TRIP12: variants seen among roughly 807,000 people sequenced by gnomAD.
TRIP12 encodes the protein thyroid hormone receptor interactor 12.
Under a neutral mutation model 244.2 loss-of-function variants are expected in TRIP12, and 25 were observed. That is an observed-to-expected ratio of 0.10 (90% CI 0.07 to 0.14). TRIP12 has a LOEUF of 0.14. Ranked by LOEUF, TRIP12 falls within the 10% of genes least tolerant of loss-of-function variation. TRIP12 has a pLI of 1.00. For synonymous variants in TRIP12, 905 were observed against 873.1 expected (o/e 1.04, Z -0.64); for missense variants, 1,677 against 2,486.4 (o/e 0.67, Z 6.92).
At chr2:229,828,773 A>AT (rs1002919560) in intron 8 of TRIP12, among the ~76,000 whole-genome samples, 2,321 of 151,794 alleles carry the variant, frequency 0.015, 59 homozygotes, top group African/African-American at 0.051. Flanking sequence ...TCTCAAAAAA[A>AT]ATATATATAT....
intron 1 of TRIP12, among the ~76,000 whole-genome samples, chr2:229,894,664 G>A (rs1010194305): frequency 6.6e-6 from 1 of 152,162 alleles, no homozygotes; most frequent in African/African-American, 2.4e-5. Flanking sequence ...TACATGTGTG[G>A]CCAAGATTTG....
chr2:229,827,561 T>C (rs1243831855), intron 8 of TRIP12, among the ~76,000 whole-genome samples: 2 of 152,136 alleles, frequency 1.3e-5, no homozygotes, highest in African/African-American at 4.8e-5. Flanking sequence ...ATGAAGATCA[T>C]CGGTATCATT....
At chr2:229,802,061 G>A (rs544935276) in intron 21 of TRIP12, among the ~76,000 whole-genome samples, 191 bp downstream of exon 21, 1 of 152,156 alleles carries the variant, frequency 6.6e-6, no homozygotes, top group South Asian at 2.1e-4. Flanking sequence ...ATCTCTTACA[G>A]TTCCTAAACA....
intron 32 of TRIP12, 127 bp downstream of exon 32, chr2:229,788,671 A>ACT: frequency 7.1e-6 from 9 of 1,276,198 alleles, no homozygotes; most frequent in Non-Finnish European, 9.8e-6. Context: ...CAATTAAGCA[A>ACT]GTTGTGATCA....
chr2:229,802,518 C>G, intron 20 of TRIP12, 59 bp from the exon 21 acceptor site: 1 of 1,291,046 alleles, frequency 7.7e-7, no homozygotes, highest in South Asian at 1.4e-5. Context: ...ACCTTCTCCC[C>G]ACCATTACAA....
At chr2:229,917,310 G>A (rs1207839732) in intron 1 of TRIP12, among the ~76,000 whole-genome samples, 1 of 139,992 alleles carries the variant, frequency 7.1e-6, no homozygotes, top group African/African-American at 2.6e-5. Flanking sequence ...GAACCCTGGA[G>A]GCGGAGCCTG....
intron 8 of TRIP12, among the ~76,000 whole-genome samples, chr2:229,825,850 T>C (rs1403036039): frequency 6.6e-6 from 1 of 152,204 alleles, no homozygotes; most frequent in Admixed American, 6.5e-5. Context: ...ACTAAGGTTA[T>C]GGCCAAAAGA....
At chr2:229,851,424 T>A (rs937629081) in intron 4 of TRIP12, among the ~76,000 whole-genome samples, 5 of 151,988 alleles carry the variant, frequency 3.3e-5, no homozygotes, top group African/African-American at 1.2e-4. Flanking sequence ...AGCTCAGGGA[T>A]TGTAAATGCA....
At chr2:229,907,507 AAAAACACTGTCT>A (rs1308559597) in intron 1 of TRIP12, among the ~76,000 whole-genome samples, 5 of 152,232 alleles carry the variant, frequency 3.3e-5, no homozygotes, top group African/African-American at 1.2e-4. Flanking sequence ...AAAGGAAAAT[AAAAACACTGTCT>A]CTCAAAAGGC....
chr2:229,838,555 C>T (rs532432829), intron 5 of TRIP12, among the ~76,000 whole-genome samples: 3 of 152,266 alleles, frequency 2.0e-5, no homozygotes, highest in African/African-American at 4.8e-5. Flanking sequence ...GAAGGAGAGA[C>T]GGTTGCAGAG....
rs1298704074 is a variant in TRIP12, at chr2:229,767,610, G to A, written c.6148C>T (p.Arg2050Cys). 26 of 1,613,622 alleles carry A rather than the reference G, an allele frequency of 1.6e-5. No homozygotes were observed. The highest frequency in any genetic ancestry group is 2.1e-5 in the Non-Finnish European group (25 of 1,179,800). Residue 2050 changes from arginine (R) to cysteine (C), a missense_variant, in exon 42 of 42, where the codon CGT (arginine) becomes TGT (cysteine). By Grantham distance (180) the Arg-to-Cys change is radical (BLOSUM62 -3). Coordinates refer to ENST00000675903, the MANE Select transcript of TRIP12 (RefSeq NM_001348323.3). ...LPDYSSIEIMREKLLIAAREG... is the reference protein window; with the variant it reads ...LPDYSSIEIMCEKLLIAAREG... ...CTTGCTGCTATCAACAGTTTTTCAC[G>A]CATTATCTCAATGCTTGAATAGTCC...
rs1168673224 is a variant in TRIP12, at chr2:229,814,241, G to A, written c.1816C>T (p.Leu606=). The stretch of plus-strand genomic sequence containing the variant: ...TCAGTAACAACACTTACCGCCTGTA[G>A]AATGGCTTTACTATGTCTCCGTGAC... The part of the protein sequence containing the change: ...MLSRRHSKAI[L]QAGGLADCLL... The change falls in exon 12 of 42, where the codon CTA becomes TTA. Residue 606 remains leucine (L), a synonymous_variant. Coordinates refer to ENST00000675903, the MANE Select transcript of TRIP12 (RefSeq NM_001348323.3). The A allele has an allele frequency of 6.2e-7, 1 of 1,614,080 alleles. No individual in the cohort carries two copies.
chr2:229,866,848 A>C (rs1344041492), intron 2 of TRIP12, among the ~76,000 whole-genome samples: 2 of 152,066 alleles, frequency 1.3e-5, no homozygotes, highest in Non-Finnish European at 2.9e-5. Context: ...GCCCTGAAGG[A>C]TGAAAAGCTG....
intron 5 of TRIP12, 55 bp from the exon 6 acceptor site, chr2:229,837,039 T>C (rs1459211343): frequency 3.5e-6 from 5 of 1,420,538 alleles, no homozygotes; most frequent in East Asian, 5.4e-5. Context: ...AGGAGCAATG[T>C]ATACACAACA....
intron 1 of TRIP12, among the ~76,000 whole-genome samples, chr2:229,908,211 C>T (rs1324428238): frequency 6.6e-6 from 1 of 152,056 alleles, no homozygotes; most frequent in Non-Finnish European, 1.5e-5. Context: ...TATTCTTATC[C>T]CATTCATTTT....
chr2:229,793,149 A>G lies in TRIP12; in HGVS notation c.3969-4T>C. On this transcript the variant is annotated splice_polypyrimidine_tract_variant and splice_region_variant and intron_variant, in intron 26 of 41. Coordinates refer to ENST00000675903, the MANE Select transcript of TRIP12 (RefSeq NM_001348323.3). The stretch of plus-strand genomic sequence containing the variant: ...TGATCCTCTGTTGAGAGAAAAGCTC[A>G]AGATAATTTGTGAAAAAAAAGTTAG... The G allele has an allele frequency of 6.2e-7, 1 of 1,604,776 alleles. No individual in the cohort carries two copies. Among genetic ancestry groups the G allele is most frequent in the Non-Finnish European group, 8.5e-7 (1 of 1,176,872 alleles).
Position 229,778,638 on chromosome 2 carries a change from A to G in TRIP12, c.5210-51T>C. 1 of 1,580,680 alleles carries G rather than the reference A, an allele frequency of 6.3e-7. No homozygotes were observed. Among genetic ancestry groups the G allele is most frequent in the Non-Finnish European group, 8.6e-7 (1 of 1,165,704 alleles). On this transcript the variant is annotated intron_variant, in intron 35 of 41. Coordinates refer to ENST00000675903, the MANE Select transcript of TRIP12 (RefSeq NM_001348323.3). This position sits in a 1 kb window ranked among gnomAD's most constrained non-coding sequence, Gnocchi z 4.1. ...TTCAGATGATGTTTCCAAAAACAAA[A>G]CAAAACCTGGTAACTAAGAACATTT...
At chr2:229,825,726 A>C (rs545750000) in intron 8 of TRIP12, among the ~76,000 whole-genome samples, 2 of 152,324 alleles carry the variant, frequency 1.3e-5, no homozygotes, top group Non-Finnish European at 2.9e-5. Context: ...GGGGATTGCA[A>C]TTCAAGATGA....
rs762161275 is a variant in TRIP12 at position 229,815,134 on chromosome 2, C to T, written c.1696G>A (p.Val566Ile). 2.5e-6 allele frequency: 4 copies of T among 1,612,974 alleles called. No homozygotes were observed. The highest frequency in any genetic ancestry group is 2.2e-5 in the South Asian group (2 of 90,934). Residue 566 changes from valine (V) to isoleucine (I), a missense_variant, in exon 11 of 42, where the codon GTT (valine) becomes ATT (isoleucine). Transcript: ENST00000675903. ...AAGACAGGAATAGCATCTACTACAA[C>T]AGCAGAAGATCGAGGAAGTGCTTCC... is the stretch of plus-strand genomic sequence containing the variant. ...MMEALPRSSA[V>I]VVDAIPVFLE... is the part of the protein sequence containing the mutation.
Sources: allele counts gnomAD v4.1 joint callset (sites outside exome capture counted in the v4.1 genomes callset), GRCh38; gene constraint gnomAD v4.1.1; non-coding constraint Gnocchi (gnomAD v3.1); transcripts MANE v1.5; gene names NCBI Gene and HGNC (gene_info 2026-07-23, HGNC 2026-07-21).